Variants in SHISA9 observed in about 807,000 individuals in gnomAD.
The protein encoded by SHISA9 is protein shisa-9.
A neutral mutation model predicts 38.0 loss-of-function variants in SHISA9; 13 were observed. The ratio of observed to expected loss-of-function variants is 0.34; its 90% CI spans 0.22 to 0.54. SHISA9 has a LOEUF of 0.54. SHISA9 is among the 20% of genes least tolerant of loss of function. The probability of loss-of-function intolerance (pLI) is 0.91; values close to 1 mark genes in which losing one functional copy is unlikely to be tolerated. For missense variants in SHISA9, 538 were observed against 575.8 expected (o/e 0.93, Z 0.67); for synonymous variants, 275 against 242.0 (o/e 1.14, Z -1.27).
intron 2 of SHISA9, among the ~76,000 whole-genome samples, chr16:13,042,312 C>G (rs1002313197): frequency 3.6e-4 from 55 of 152,302 alleles, no homozygotes; most frequent in Admixed American, 6.5e-5. Flanking sequence ...CTTGTGGCTT[C>G]TTTCTGCTCA....
chr16:13,266,110 G>C, the SHISA9 span, among the ~76,000 whole-genome samples: 1 of 152,168 alleles, frequency 6.6e-6, no homozygotes, highest in South Asian at 2.1e-4. Flanking sequence ...CAAAGCAATT[G>C]CATGCACATA....
At chr16:13,387,214 C>T in the SHISA9 span, among the ~76,000 whole-genome samples, 6 of 152,066 alleles carry the variant, frequency 3.9e-5, no homozygotes, top group Non-Finnish European at 7.4e-5. Flanking sequence ...ATGTTGGAGC[C>T]CTAATTCCTA....
chr16:13,522,205 GT>G, the SHISA9 span, among the ~76,000 whole-genome samples: 1 of 152,162 alleles, frequency 6.6e-6, no homozygotes, highest in African/African-American at 2.4e-5. Context: ...CTTTTGTTTG[GT>G]TTTGACTTGG....
At chr16:13,013,081 G>A (rs865898130) in intron 2 of SHISA9, among the ~76,000 whole-genome samples, 4 of 152,224 alleles carry the variant, frequency 2.6e-5, no homozygotes, top group African/African-American at 9.6e-5. Context: ...GTTAAAGGCC[G>A]AGGAAGCAGG....
At chr16:13,063,130 C>A (rs977982758) in intron 2 of SHISA9, among the ~76,000 whole-genome samples, 1 of 152,156 alleles carries the variant, frequency 6.6e-6, no homozygotes, top group Non-Finnish European at 1.5e-5. Context: ...CCTCAGCCTC[C>A]CGAGTAGCTG....
At chr16:13,040,166 C>G (rs1466766011) in intron 2 of SHISA9, among the ~76,000 whole-genome samples, 1 of 152,196 alleles carries the variant, frequency 6.6e-6, no homozygotes, top group East Asian at 1.9e-4. Context: ...TGTTACCACT[C>G]CACTCAAACC....
intron 4 of SHISA9, among the ~76,000 whole-genome samples, chr16:13,232,876 G>A (rs966333236): frequency 3.9e-5 from 6 of 152,124 alleles, no homozygotes; most frequent in Non-Finnish European, 8.8e-5. Context: ...GAAGACAAAT[G>A]TTTCCTATTT....
intron 2 of SHISA9, among the ~76,000 whole-genome samples, chr16:12,966,309 C>T (rs1375562289): frequency 6.6e-6 from 1 of 150,478 alleles, no homozygotes; most frequent in Non-Finnish European, 1.5e-5. Context: ...GTGCTATCTC[C>T]TTCCTGGATC....
chr16:13,079,201 G>C (rs972554063), intron 2 of SHISA9, among the ~76,000 whole-genome samples: 1 of 152,198 alleles, frequency 6.6e-6, no homozygotes, highest in African/African-American at 2.4e-5. Context: ...TGTAGTTAGG[G>C]TTACAGGATC....
chr16:13,250,590 T>G, the SHISA9 span, among the ~76,000 whole-genome samples: 1 of 152,192 alleles, frequency 6.6e-6, no homozygotes, highest in Non-Finnish European at 1.5e-5. Flanking sequence ...GAACTCTGCC[T>G]TCATAAATTT....
intron 2 of SHISA9, among the ~76,000 whole-genome samples, chr16:13,141,267 A>G (rs910527999): frequency 2.0e-5 from 3 of 152,200 alleles, no homozygotes; most frequent in African/African-American, 7.2e-5. Context: ...AGATTTAAAC[A>G]AGAGACTTAA....
the SHISA9 span, among the ~76,000 whole-genome samples, chr16:13,305,699 G>A: frequency 2.6e-5 from 4 of 152,162 alleles, no homozygotes; most frequent in Non-Finnish European, 4.4e-5. Context: ...GATGAAGACC[G>A]CAGCCTTGTG....
At chr16:13,457,295 A>T in the SHISA9 span, among the ~76,000 whole-genome samples, 1 of 127,632 alleles carries the variant, frequency 7.8e-6, no homozygotes, top group Non-Finnish European at 1.7e-5. Flanking sequence ...AACAAGAGTG[A>T]AACTCTATCA....
chr16:13,469,421 G>GAA, the SHISA9 span, among the ~76,000 whole-genome samples: 2 of 120,444 alleles, frequency 1.7e-5, no homozygotes, highest in African/African-American at 3.3e-5. Flanking sequence ...AAGAAAGAAA[G>GAA]AAAAAGAAAG....
At chr16:13,022,362 G>T (rs760171536) in intron 2 of SHISA9, among the ~76,000 whole-genome samples, 3 of 149,348 alleles carry the variant, frequency 2.0e-5, no homozygotes. Context: ...ACAGAGTTTC[G>T]CTCTTGTTGC....
chr16:13,272,464 GC>G, the SHISA9 span, among the ~76,000 whole-genome samples: 10 of 151,960 alleles, frequency 6.6e-5, no homozygotes, highest in African/African-American at 2.2e-4. Context: ...CTGGACTCAA[GC>G]CATCCTCCCA....
intron 2 of SHISA9, among the ~76,000 whole-genome samples, chr16:12,944,068 C>A (rs1596542487): frequency 6.6e-6 from 1 of 152,102 alleles, no homozygotes; most frequent in African/African-American, 2.4e-5. Context: ...GCCAATAGTC[C>A]TCGCTTCCCA....
chr16:13,411,505 C>A, the SHISA9 span, among the ~76,000 whole-genome samples: 7 of 152,246 alleles, frequency 4.6e-5, no homozygotes, highest in East Asian at 9.6e-4. Context: ...AGCAGTTCAT[C>A]TAAAGGCTAG....
At chr16:13,501,440 G>T in the SHISA9 span, among the ~76,000 whole-genome samples, 2 of 152,168 alleles carry the variant, frequency 1.3e-5, no homozygotes, top group Non-Finnish European at 2.9e-5. Context: ...GGCAGTGGGA[G>T]GGTCTTTGAA....
Sources: allele counts gnomAD v4.1 joint callset (sites outside exome capture counted in the v4.1 genomes callset), GRCh38; gene constraint gnomAD v4.1.1; transcripts MANE v1.5; gene names NCBI Gene and HGNC (gene_info 2026-07-23, HGNC 2026-07-21).